TEKT1: variants seen among roughly 807,000 people sequenced by gnomAD.
TEKT1 encodes tektin 1.
TEKT1 carries 32 observed loss-of-function variants against 34.8 expected under a neutral mutation model. The ratio of observed to expected loss-of-function variants is 0.92; its 90% confidence interval spans 0.69 to 1.23. The LOEUF (loss-of-function observed/expected upper bound fraction) is 1.23. TEKT1 is among the 50% of genes most tolerant of loss of function. TEKT1 has a pLI of 0.00. For synonymous variants in TEKT1, 207 were observed against 199.8 expected, an observed-to-expected ratio of 1.04 and a Z score of -0.30; for missense variants, 492 against 518.5, an observed-to-expected ratio of 0.95 and a Z score of 0.50.
At chr17:6,819,743 A>G (rs1000691786) in intron 2 of TEKT1, among the ~76,000 whole-genome samples, 13 of 152,222 alleles carry the variant, frequency 8.5e-5, no homozygotes, top group African/African-American at 3.1e-4. Context: ...GCTGGAGTGC[A>G]GTGGTGCAAT....
intron 6 of TEKT1, among the ~76,000 whole-genome samples, chr17:6,804,691 A>C (rs1196691621): frequency 3.3e-5 from 5 of 152,182 alleles, no homozygotes; most frequent in Non-Finnish European, 5.9e-5. Flanking sequence ...ATTTTGTCAA[A>C]GGCCTTTTCT....
In TEKT1 at chr17:6,815,726, G is replaced by A. The variant is rs1158178145; in HGVS notation, c.485+108C>T. ...AATCTGGGGACACAAAGTGGGAGCG[G>A]GAATGTTGAACCCCTTTCTTTCTGT... On this transcript the variant is annotated intron_variant, in intron 4 of 7. Coordinates refer to ENST00000338694, the MANE Select transcript of TEKT1 (RefSeq NM_053285.2). The A allele has an allele frequency of 2.0e-6, 3 of 1,501,332 alleles. No individual in the cohort carries two copies. In the Admixed American group the frequency reaches 5.9e-5, roughly 29 times the overall value. The allele number at this position is 1,501,332 out of a possible 1,614,324, so 93.0% of individuals were successfully genotyped here. A position where few individuals can be genotyped will look rare whatever the true frequency, so the allele number is the denominator to read the frequency against.
intron 2 of TEKT1, among the ~76,000 whole-genome samples, chr17:6,823,728 A>G (rs1230437048): frequency 6.6e-6 from 1 of 151,966 alleles, no homozygotes; most frequent in Admixed American, 6.6e-5. Flanking sequence ...CACTAGTCCA[A>G]ATTTATTTTG....
intron 6 of TEKT1, among the ~76,000 whole-genome samples, chr17:6,812,240 G>A (rs894183619): frequency 5.3e-5 from 8 of 152,066 alleles, no homozygotes; most frequent in Admixed American, 2.0e-4. Context: ...CAGCCATGTG[G>A]AACTGTAAGT....
chr17:6,815,807 T>C, intron 4 of TEKT1, 27 bp downstream of exon 4: 1 of 1,613,030 alleles, frequency 6.2e-7, no homozygotes, highest in Non-Finnish European at 8.5e-7. Context: ...CCAGTGGAGA[T>C]TTGGAGGGCA....
chr17:6,800,051 GC>G lies in TEKT1; in HGVS notation c.1232del (p.Gly411AlafsTer18). 1 of 1,610,378 alleles carries G rather than the reference GC, an allele frequency of 6.2e-7. No homozygotes were observed. On this transcript the variant is annotated frameshift_variant, in exon 8 of 8. Transcript: ENST00000338694. LOFTEE classifies it high-confidence loss of function. ...DGEDHGVWAG[G>X]LRPDAVC ...ATTAGCAGACAGCATCAGGGCGGAG[GC>G]CCCCAGCCCAGACCCCATGGTCTTC...
In TEKT1 at chr17:6,811,012, G is replaced by C. The variant is rs925253835; in HGVS notation, c.852+1819C>G. ...CCACCTTGGCCTCCCAAAGTGCTGG[G>C]ATTACAGGCGTGAGCCACCACGCCC... is the stretch of plus-strand genomic sequence containing the variant. On this transcript the variant is annotated intron_variant, in intron 6 of 7. Coordinates refer to ENST00000338694, the MANE Select transcript of TEKT1 (RefSeq NM_053285.2). This position sits in a 1 kb window ranked among gnomAD's most constrained non-coding sequence, Gnocchi z 4.4. Among the ~76,000 whole-genome samples the C allele has an allele frequency of 3.9e-5, 6 of 152,216 alleles. No individual in the cohort carries two copies. Among genetic ancestry groups the C allele is most frequent in the Non-Finnish European group, 8.8e-5 (6 of 68,052 alleles).
intron 5 of TEKT1, among the ~76,000 whole-genome samples, chr17:6,814,351 GT>G (rs1567679116): frequency 6.6e-6 from 1 of 152,114 alleles, no homozygotes; most frequent in Non-Finnish European, 1.5e-5. Context: ...CAAAAAGAAG[GT>G]TTTAAAAATT....
intron 6 of TEKT1, among the ~76,000 whole-genome samples, chr17:6,807,355 A>G (rs2151583369): frequency 6.6e-6 from 1 of 152,190 alleles, no homozygotes; most frequent in Admixed American, 6.5e-5. Flanking sequence ...TGGTTATTCT[A>G]GTTAGCCATT....
intron 6 of TEKT1, among the ~76,000 whole-genome samples, chr17:6,806,986 C>T (rs557561777): frequency 7.8e-4 from 119 of 152,290 alleles, no homozygotes; most frequent in Middle Eastern, 3.4e-3. Context: ...GTGGCATTCT[C>T]TGTATTTCCT....
intron 2 of TEKT1, among the ~76,000 whole-genome samples, chr17:6,828,702 CGA>C (rs1386706721): frequency 6.6e-6 from 1 of 152,050 alleles, no homozygotes; most frequent in Non-Finnish European, 1.5e-5. Context: ...TATAGATAGT[CGA>C]GTTGGTTACC....
chr17:6,821,163 G>A (rs1336139862), intron 2 of TEKT1, among the ~76,000 whole-genome samples: 3 of 152,070 alleles, frequency 2.0e-5, no homozygotes, highest in African/African-American at 7.2e-5. Context: ...TAATTGTTGT[G>A]TCACATGCCA....
chr17:6,823,168 C>T (rs141074230), intron 2 of TEKT1, among the ~76,000 whole-genome samples: 1 of 152,248 alleles, frequency 6.6e-6, no homozygotes, highest in African/African-American at 2.4e-5. Context: ...TGAGGGAGAG[C>T]CAGAGTGAAG....
intron 5 of TEKT1, among the ~76,000 whole-genome samples, chr17:6,814,521 C>G (rs745502259): frequency 1.1e-4 from 16 of 152,002 alleles, no homozygotes; most frequent in Admixed American, 2.0e-4. Flanking sequence ...GCAGCTAACA[C>G]CAGTTATCTC....
intron 2 of TEKT1, among the ~76,000 whole-genome samples, chr17:6,827,257 ATTT>A (rs34162124): frequency 2.7e-4 from 33 of 124,250 alleles, no homozygotes; most frequent in African/African-American, 8.6e-4. Context: ...AGTTGTGCCA[ATTT>A]TTTTTTTTTT....
intron 5 of TEKT1, 93 bp downstream of exon 5, chr17:6,815,070 C>G: frequency 6.7e-7 from 1 of 1,494,792 alleles, no homozygotes; most frequent in Non-Finnish European, 9.0e-7. Flanking sequence ...CACTTCCAAG[C>G]TCTCAGCCAG....
intron 3 of TEKT1, among the ~76,000 whole-genome samples, chr17:6,818,815 T>C (rs1008440875): frequency 6.6e-6 from 1 of 152,090 alleles, no homozygotes; most frequent in South Asian, 2.1e-4. Context: ...AACAAGAAGA[T>C]AGAAAAAGCC....
chr17:6,800,875 T>G lies in TEKT1; in HGVS notation c.921A>C (p.Glu307Asp), dbSNP rs1028276634. Residue 307 changes from glutamate (E) to aspartate (D), a missense_variant, in exon 7 of 8, where the codon GAA (glutamate) becomes GAC (aspartate). Glu to Asp is a conservative substitution (Grantham distance 45, BLOSUM62 2). Transcript: ENST00000338694. ...GCGTATGAGCCACCTTGGCTGGCCCTTCTTGGTCAAGGATGGCCTTTTCAA... is the reference window on the plus strand; with the variant it reads ...GCGTATGAGCCACCTTGGCTGGCCCGTCTTGGTCAAGGATGGCCTTTTCAA... ...TALEKAILDQ[E>D]GPAKVAHTRL... The G allele has an allele frequency of 4.3e-6, 7 of 1,614,080 alleles. No homozygotes were observed. The Admixed American group carries it at 6.7e-5, about 15-fold the overall frequency.
intron 2 of TEKT1, among the ~76,000 whole-genome samples, chr17:6,827,257 A>ATTTTTTT (rs34162124): frequency 3.2e-5 from 4 of 124,264 alleles, no homozygotes; most frequent in African/African-American, 1.0e-4. Context: ...AGTTGTGCCA[A>ATTTTTTT]TTTTTTTTTT....
Sources: gnomAD v4.1 joint callset for allele counts (sites outside exome capture counted in the v4.1 genomes callset) on GRCh38, gnomAD v4.1.1 for gene constraint, Gnocchi (gnomAD v3.1) non-coding constraint, MANE v1.5 for transcripts, NCBI Gene and HGNC (gene_info 2026-07-23, HGNC 2026-07-21) for gene names.